The following PTPN12 variants were observed in gnomAD, a reference collection of about 807,000 sequenced individuals.
PTPN12 encodes the protein tyrosine-protein phosphatase non-receptor type 12.
PTPN12 carries 29 observed loss-of-function variants against 97.6 expected under a neutral mutation model. The observed-to-expected ratio is 0.30, with a 90% CI of 0.22 to 0.41. PTPN12 has a LOEUF of 0.41. Among genes scored for constraint, PTPN12 ranks in the 10% least tolerant of loss-of-function variants. PTPN12 has a pLI of 1.00. For synonymous variants in PTPN12, 327 were observed against 300.4 expected (o/e 1.09, Z -0.91); for missense variants, 819 against 926.0 (o/e 0.88, Z 1.50).
chr7:77,554,247 G>A (rs748569325), intron 1 of PTPN12, among the ~76,000 whole-genome samples: 6 of 152,228 alleles, frequency 3.9e-5, no homozygotes, highest in South Asian at 2.1e-4. Flanking sequence ...TTATAGGCAT[G>A]AGCCACTGTG....
At chr7:77,619,771 T>C (rs932450062) in intron 12 of PTPN12, among the ~76,000 whole-genome samples, 7 of 152,194 alleles carry the variant, frequency 4.6e-5, no homozygotes, top group African/African-American at 1.7e-4. Context: ...GTAACAGATT[T>C]TTTAAGTGTG....
chr7:77,567,169 C>G (rs1356363127), intron 1 of PTPN12, among the ~76,000 whole-genome samples: 2 of 148,342 alleles, frequency 1.3e-5, no homozygotes, highest in Non-Finnish European at 3.0e-5. Flanking sequence ...TATTCAGGAA[C>G]TATTTAGACA....
At chr7:77,625,472 G>GCTCTCGCTCTCTCTCTCTCTCT (rs1554326599) in intron 12 of PTPN12, among the ~76,000 whole-genome samples, 1 of 33,522 alleles carries the variant, frequency 3.0e-5, no homozygotes, top group Non-Finnish European at 5.0e-5. Context: ...CAGGCTGCTC[G>GCTCTCGCTCTCTCTCTCTCTCT]CTCTCTCTCT....
chr7:77,555,153 T>G (rs946266959), intron 1 of PTPN12, among the ~76,000 whole-genome samples: 1 of 152,126 alleles, frequency 6.6e-6, no homozygotes, highest in Non-Finnish European at 1.5e-5. Context: ...GTAATTCTTA[T>G]TATACTTGCT....
At chr7:77,623,744 A>G (rs1470628906) in intron 12 of PTPN12, among the ~76,000 whole-genome samples, 2 of 152,208 alleles carry the variant, frequency 1.3e-5, no homozygotes, top group Admixed American at 6.5e-5. Flanking sequence ...AATACTGATT[A>G]TGGAAAAGTG....
intron 1 of PTPN12, among the ~76,000 whole-genome samples, chr7:77,568,850 A>G (rs35327168): frequency 0.018 from 2,789 of 152,330 alleles, 33 homozygotes; most frequent in Middle Eastern, 0.071. Context: ...GATTCAAAAT[A>G]ATATTTTGAA....
rs752505356 is a variant in PTPN12 at position 77,627,367 on chromosome 7, G to A, written c.1688G>A (p.Arg563Lys). The stretch of plus-strand genomic sequence containing the variant: ...TCCTCAGATATCAACTATCAAACTA[G>A]GAAAACTGTGAGTTTAACACCAAGT... ...GNSSDINYQT[R>K]KTVSLTPSPT... The change falls in exon 13 of 18, where the codon AGG becomes AAG. Residue 563 changes from arginine (R) to lysine (K), a missense_variant. Transcript: ENST00000248594. 1.2e-6 allele frequency: 2 copies of A among 1,613,968 alleles called. No individual in the cohort carries two copies. The highest frequency in any genetic ancestry group is 1.7e-6 in the Non-Finnish European group (2 of 1,179,932).
Position 77,600,802 on chromosome 7 carries a change from T to G in PTPN12, c.691T>G (p.Cys231Gly). ...TGAAGATGTTCCTATTTGTATTCAT[T>G]GCAGGTACAAAAGAATTTCCCAAGT... The part of the protein sequence containing the change: ...EHEDVPICIH[C>G]SAGCGRTGAI... Residue 231 changes from cysteine to glycine, a missense_variant, in exon 8 of 18, where the codon TGC becomes GGC. Physicochemically the swap from Cys to Gly is radical, Grantham distance 159. Around this residue, in one of 5 missense-constraint regions of PTPN12, gnomAD observed 42 missense variants for 120.9 expected, o/e 0.35. Transcript: ENST00000248594. The G allele has an allele frequency of 6.3e-7, 1 of 1,588,466 alleles. No individual in the cohort carries two copies. Among genetic ancestry groups the G allele is most frequent in the Non-Finnish European group, 8.5e-7 (1 of 1,171,244 alleles).
At chr7:77,617,732 A>G (rs1788800232) in intron 11 of PTPN12, among the ~76,000 whole-genome samples, 1 of 152,198 alleles carries the variant, frequency 6.6e-6, no homozygotes, top group Non-Finnish European at 1.5e-5. Flanking sequence ...AGATATGTTG[A>G]CAGTGAAACT....
chr7:77,631,339 C>T (rs1789388886), intron 13 of PTPN12, among the ~76,000 whole-genome samples: 3 of 152,170 alleles, frequency 2.0e-5, no homozygotes, highest in South Asian at 4.1e-4. Context: ...CAATCATACT[C>T]ACCTCATGCG....
chr7:77,591,419 C>G (rs187796829), intron 5 of PTPN12, among the ~76,000 whole-genome samples: 5 of 152,290 alleles, frequency 3.3e-5, no homozygotes, highest in Admixed American at 3.3e-4. Context: ...ATTCACTTAA[C>G]TGATTTTCTA....
intron 5 of PTPN12, among the ~76,000 whole-genome samples, chr7:77,590,231 A>G (rs984580136): frequency 2.6e-5 from 4 of 152,232 alleles, no homozygotes; most frequent in African/African-American, 9.6e-5. Context: ...TATTAGTTTT[A>G]TACCAGGAAT....
At chr7:77,542,933 A>T (rs892184342) in intron 1 of PTPN12, among the ~76,000 whole-genome samples, 2 of 152,214 alleles carry the variant, frequency 1.3e-5, no homozygotes, top group Non-Finnish European at 2.9e-5. Flanking sequence ...GAATGAGCTT[A>T]TTCCAACAAA....
rs1322092942 is a variant in PTPN12, at chr7:77,588,046, C to G, written c.420+2465C>G. ...CTTCTATCTAGACCACTAAAACTTT[C>G]TCCATGTAAGCAATAAGGCTGTTTG... On this transcript the variant is annotated intron_variant, in intron 5 of 17. Coordinates refer to ENST00000248594, the MANE Select transcript of PTPN12 (RefSeq NM_002835.4). Among the ~76,000 whole-genome samples, 3 of 152,276 alleles carry G rather than the reference C, an allele frequency of 2.0e-5. No individual in the cohort carries two copies. In the South Asian group the frequency reaches 6.2e-4, roughly 32 times the overall value.
At chr7:77,586,945 A>C (rs770165096) in intron 5 of PTPN12, among the ~76,000 whole-genome samples, 14 of 152,180 alleles carry the variant, frequency 9.2e-5, no homozygotes, top group Non-Finnish European at 2.1e-4. Flanking sequence ...ATTCATTTCC[A>C]TCTTCAAGCT....
At position 77,627,299 on chromosome 7, in the gene PTPN12, A is replaced by G; in HGVS notation, c.1620A>G (p.Gly540=). 3 of 1,614,152 alleles carry G rather than the reference A, an allele frequency of 1.9e-6. No homozygotes were observed. Among genetic ancestry groups the G allele is most frequent in the South Asian group, 1.1e-5 (1 of 91,078 alleles). Residue 540 remains glycine, a synonymous_variant, in exon 13 of 18, where the codon GGA becomes GGG. Coordinates refer to ENST00000248594, the MANE Select transcript of PTPN12 (RefSeq NM_002835.4). ...EKGHVTWSFH[G]PENAIPIPDL... ...GACATGTAACGTGGTCATTTCATGG[A>G]CCTGAAAATGCCATACCCATACCTG... is the stretch of plus-strand genomic sequence containing the variant.
chr7:77,637,944 A>ATTTTTT lies in PTPN12; in HGVS notation c.2174-680_2174-679insTTTTTT, dbSNP rs1421411134. On this transcript the variant is annotated intron_variant, in intron 16 of 17. Coordinates refer to ENST00000248594, the MANE Select transcript of PTPN12 (RefSeq NM_002835.4). ...AACCCTGACCTTGTTGATTTCTTAA[A>ATTTTTT]ATTTTTTTTTTTTTTTTTTTTTTTT... Among the ~76,000 whole-genome samples the ATTTTTT allele has an allele frequency of 8.9e-4, 80 of 89,496 alleles. 19 individuals are homozygous for ATTTTTT. Among genetic ancestry groups the ATTTTTT allele is most frequent in the South Asian group, 2.5e-3 (6 of 2,364 alleles). 58.7% of individuals were successfully genotyped at this position (89,496 alleles called of 152,430 possible).
chr7:77,622,604 C>T (rs1788978538), intron 12 of PTPN12, among the ~76,000 whole-genome samples: 1 of 151,916 alleles, frequency 6.6e-6, no homozygotes, highest in South Asian at 2.1e-4. Context: ...CCAGTCTCTA[C>T]TAAAAATACA....
Position 77,558,070 on chromosome 7 carries a change from G to A in PTPN12, c.100-13008G>A, listed in dbSNP as rs553283028. Reference sequence around the variant, plus strand: ...TACTAAAAATAGAAAAATTAGCTGGGCCTGGTGGTGGGCGCGTGTAATCCC... The same window carrying A: ...TACTAAAAATAGAAAAATTAGCTGGACCTGGTGGTGGGCGCGTGTAATCCC... On this transcript the variant is annotated intron_variant, in intron 1 of 17. Coordinates refer to ENST00000248594, the MANE Select transcript of PTPN12 (RefSeq NM_002835.4). Among the ~76,000 whole-genome samples, 6 of 151,934 alleles carry A rather than the reference G, an allele frequency of 3.9e-5. No homozygotes were observed. In the East Asian group the frequency reaches 1.2e-3, roughly 29 times the overall value.
Sources: allele counts gnomAD v4.1 joint callset (sites outside exome capture counted in the v4.1 genomes callset), GRCh38; gene constraint gnomAD v4.1.1; regional missense constraint gnomAD v4.1.1; transcripts MANE v1.5; gene names NCBI Gene and HGNC (gene_info 2026-07-23, HGNC 2026-07-21).